PTPN3: variants seen among roughly 807,000 people sequenced by gnomAD.
PTPN3 encodes protein tyrosine phosphatase non-receptor type 3.
A neutral mutation model predicts 132.7 loss-of-function variants in PTPN3; 96 were observed. The observed-to-expected ratio is 0.72, with a 90% CI of 0.61 to 0.86. The LOEUF is 0.86. PTPN3 is among the 40% of genes least tolerant of loss of function. The probability of loss-of-function intolerance (pLI) is 0.00; values close to 1 mark genes in which losing one functional copy is unlikely to be tolerated. For synonymous variants in PTPN3, 398 were observed against 429.0 expected, an observed-to-expected ratio of 0.93 and a Z score of 0.89; for missense variants, 1,125 against 1,159.6, an observed-to-expected ratio of 0.97 and a Z score of 0.43.
At chr9:109,480,553 T>C (rs940362534) in intron 1 of PTPN3, among the ~76,000 whole-genome samples, 1 of 152,230 alleles carries the variant, frequency 6.6e-6, no homozygotes, top group Non-Finnish European at 1.5e-5. Context: ...TCCCAATTTA[T>C]TTTTCTTTTG....
the PTPN3 span, among the ~76,000 whole-genome samples, chr9:109,530,343 C>T: frequency 3.9e-5 from 6 of 152,160 alleles, no homozygotes; most frequent in East Asian, 9.6e-4. Flanking sequence ...TTGTGATTGC[C>T]TTATTTAACT....
At chr9:109,467,268 T>A (rs1005315044) in intron 1 of PTPN3, among the ~76,000 whole-genome samples, 1 of 95,832 alleles carries the variant, frequency 1.0e-5, no homozygotes, top group African/African-American at 3.6e-5. Flanking sequence ...GTGGGTTACA[T>A]TTTTTTTTTT....
intron 1 of PTPN3, among the ~76,000 whole-genome samples, chr9:109,470,778 G>A (rs775282516): frequency 2.6e-5 from 4 of 151,810 alleles, no homozygotes; most frequent in Non-Finnish European, 4.4e-5. Flanking sequence ...AACTAAGAAT[G>A]TCTGCTCACT....
rs561051952 is a variant in PTPN3 at position 109,380,849 on chromosome 9, G to C, written c.2664+803C>G. Reference sequence around the variant, plus strand: ...ATGTACCCTGGGGGTTTTTACCAGAGAAGACACTTCTCCAGGAAGCCTTCC... The same window carrying C: ...ATGTACCCTGGGGGTTTTTACCAGACAAGACACTTCTCCAGGAAGCCTTCC... On this transcript the variant is annotated intron_variant, in intron 25 of 25. Transcript: ENST00000374541. Among the ~76,000 whole-genome samples the C allele has an allele frequency of 3.3e-5, 5 of 152,224 alleles. No homozygotes were observed. In the South Asian group the frequency reaches 1.0e-3, roughly 32 times the overall value.
At chr9:109,469,909 T>A (rs747477355) in intron 1 of PTPN3, among the ~76,000 whole-genome samples, 3 of 152,150 alleles carry the variant, frequency 2.0e-5, no homozygotes, top group African/African-American at 7.2e-5. Flanking sequence ...ACAGCTCTGC[T>A]CTTTCTTGCT....
Position 109,379,645 on chromosome 9 carries a change from A to G in PTPN3, c.2665-12T>C. ...AACTTGTACTGGCTCTGGAAAAGAA[A>G]AAAATGCTGTCAAGTCCTGTAGCTC... On this transcript the variant is annotated splice_polypyrimidine_tract_variant and intron_variant, in intron 25 of 25. Coordinates refer to ENST00000374541, the MANE Select transcript of PTPN3 (RefSeq NM_002829.4). 6.2e-7 allele frequency: 1 copy of G among 1,610,050 alleles called. No individual in the cohort carries two copies. The highest frequency in any genetic ancestry group is 8.5e-7 in the Non-Finnish European group (1 of 1,176,198).
At chr9:109,448,667 G>A in intron 6 of PTPN3, 144 bp downstream of exon 6, 1 of 777,746 alleles carries the variant, frequency 1.3e-6, no homozygotes, top group Non-Finnish European at 2.1e-6. Flanking sequence ...AAAAACAGAT[G>A]TCCAAAGCCT....
At chr9:109,536,294 C>A in the PTPN3 span, among the ~76,000 whole-genome samples, 2 of 152,102 alleles carry the variant, frequency 1.3e-5, no homozygotes, top group Non-Finnish European at 2.9e-5. Flanking sequence ...TTGTTTCTAC[C>A]TTTTAGCCGT....
chr9:109,498,723 C>T (rs1847800314), upstream of PTPN3, among the ~76,000 whole-genome samples: 1 of 152,208 alleles, frequency 6.6e-6, no homozygotes. This position sits in a 1 kb window ranked among gnomAD's most constrained non-coding sequence, Gnocchi z 4.2. Flanking sequence ...GGTTAAACCT[C>T]CCCAAGGCTC....
At chr9:109,416,092 G>A (rs1842464043) in intron 14 of PTPN3, among the ~76,000 whole-genome samples, 1 of 152,228 alleles carries the variant, frequency 6.6e-6, no homozygotes, top group South Asian at 2.1e-4. Context: ...CTTGGAGAAT[G>A]GTGGTTACGA....
chr9:109,388,205 T>TG (rs1307447517), intron 22 of PTPN3, among the ~76,000 whole-genome samples: 5 of 152,072 alleles, frequency 3.3e-5, no homozygotes, highest in African/African-American at 1.2e-4. Context: ...AACTGGTGGG[T>TG]GGTGATGTGG....
chr9:109,408,547 T>A (rs1841764454), intron 16 of PTPN3, among the ~76,000 whole-genome samples, 170 bp from the exon 17 acceptor site: 1 of 151,908 alleles, frequency 6.6e-6, no homozygotes, highest in South Asian at 2.1e-4. Flanking sequence ...TCACACGTCA[T>A]TTCAGAAATA....
At chr9:109,449,667 T>C (rs1845120884) in intron 5 of PTPN3, 1 of 985,416 alleles carries the variant, frequency 1.0e-6, no homozygotes, top group Non-Finnish European at 1.2e-6. Flanking sequence ...GGCCACTAGC[T>C]CCCATGCTTT....
intron 14 of PTPN3, chr9:109,417,670 G>C (rs1842626099): frequency 1.0e-6 from 1 of 985,178 alleles, no homozygotes; most frequent in South Asian, 4.7e-5. Flanking sequence ...CCACCGGCAG[G>C]AAGAGGTCTC....
intron 17 of PTPN3, 49 bp downstream of exon 17, chr9:109,408,271 TA>T (rs1482070109): frequency 7.1e-7 from 1 of 1,412,788 alleles, no homozygotes; most frequent in Non-Finnish European, 9.7e-7. Context: ...CTGTTAGAAT[TA>T]GGGGGAAACA....
the PTPN3 span, among the ~76,000 whole-genome samples, chr9:109,524,256 G>A: frequency 1.3e-5 from 2 of 151,864 alleles, no homozygotes; most frequent in Non-Finnish European, 2.9e-5. Context: ...AAAAAAACCA[G>A]CAGACAAACA....
At chr9:109,395,867 T>C (rs1268576349) in intron 19 of PTPN3, among the ~76,000 whole-genome samples, 2 of 149,374 alleles carry the variant, frequency 1.3e-5, no homozygotes, top group East Asian at 3.9e-4. Flanking sequence ...TTTTTTTTTT[T>C]TTTTTTTGAG....
chr9:109,404,043 C>G (rs1237278848), intron 19 of PTPN3, among the ~76,000 whole-genome samples: 1 of 149,322 alleles, frequency 6.7e-6, no homozygotes, highest in Non-Finnish European at 1.5e-5. Flanking sequence ...ACAGCCACCT[C>G]TCCACTGCCT....
At position 109,410,253 on chromosome 9, in the gene PTPN3, G is replaced by A. The variant is rs1453680194; in HGVS notation, c.1476C>T (p.Asp492=). 7.4e-6 allele frequency: 12 copies of A among 1,614,032 alleles called. No individual in the cohort carries two copies. The highest frequency in any genetic ancestry group is 1.3e-5 in the African/African-American group (1 of 74,924). ...HRVTKGGSTE[D]ASQYYCDKND... ...CCTTGTCACAGTAGTACTGGCTGGCGTCCTCGGTGGAGCCCCCTTTGGTCA... is the reference window on the plus strand; with the variant it reads ...CCTTGTCACAGTAGTACTGGCTGGCATCCTCGGTGGAGCCCCCTTTGGTCA... Residue 492 remains aspartate, a synonymous_variant, in exon 15 of 26, where the codon GAC becomes GAT. Coordinates refer to ENST00000374541, the MANE Select transcript of PTPN3 (RefSeq NM_002829.4).
Sources: gnomAD v4.1 joint callset for allele counts (sites outside exome capture counted in the v4.1 genomes callset) on GRCh38, gnomAD v4.1.1 for gene constraint, Gnocchi (gnomAD v3.1) non-coding constraint, MANE v1.5 for transcripts, NCBI Gene and HGNC (gene_info 2026-07-23, HGNC 2026-07-21) for gene names.